The following PARD3B variants were observed in gnomAD, a reference collection of about 807,000 sequenced individuals.
The protein encoded by PARD3B is par-3 family cell polarity regulator beta.
In PARD3B, 103 loss-of-function variants were observed where a neutral mutation model predicts 130.2. That is an observed-to-expected ratio of 0.79 (90% CI 0.67 to 0.93). The LOEUF is 0.93. Ranked by LOEUF, PARD3B falls within the 40% of genes least tolerant of loss-of-function variation. PARD3B has a pLI of 0.00. For synonymous variants in PARD3B, 583 were observed against 553.2 expected (o/e 1.05, Z -0.76); for missense variants, 1,609 against 1,499.2 (o/e 1.07, Z -1.21).
chr2:204,990,612 T>A (rs1046466566), intron 3 of PARD3B, among the ~76,000 whole-genome samples: 7 of 152,072 alleles, frequency 4.6e-5, no homozygotes, highest in African/African-American at 1.7e-4. Context: ...CACTAATAAT[T>A]TGTAGATTGT....
chr2:205,067,912 G>A (rs1700490069), intron 4 of PARD3B, among the ~76,000 whole-genome samples: 1 of 152,080 alleles, frequency 6.6e-6, no homozygotes, highest in African/African-American at 2.4e-5. Context: ...AATTCAGTTT[G>A]TAAATATTTC....
rs534303503 is a variant in PARD3B at position 204,979,721 on chromosome 2, C to T, written c.394+14398C>T. On this transcript the variant is annotated intron_variant, in intron 3 of 22. Transcript: ENST00000406610. Reference sequence around the variant, plus strand: ...AGTAGAATAGAAATTATAGCAATAGCCCCTCACAGATATAATCATTTGGCT... The same window carrying T: ...AGTAGAATAGAAATTATAGCAATAGTCCCTCACAGATATAATCATTTGGCT... Among the ~76,000 whole-genome samples the T allele has an allele frequency of 2.6e-5, 4 of 152,198 alleles. No homozygotes were observed. The South Asian group carries it at 8.3e-4, about 32-fold the overall frequency.
rs1382669315 is a variant in PARD3B at position 205,125,315 on chromosome 2, T to C, written c.1306-294T>C. Among the ~76,000 whole-genome samples, 1 of 152,194 alleles carries C rather than the reference T, an allele frequency of 6.6e-6. No individual in the cohort carries two copies. Among genetic ancestry groups the C allele is most frequent in the Non-Finnish European group, 1.5e-5 (1 of 68,026 alleles). On this transcript the variant is annotated intron_variant, in intron 9 of 22. Coordinates refer to ENST00000406610, the MANE Select transcript of PARD3B (RefSeq NM_001302769.2). This position sits in a 1 kb window ranked among gnomAD's most constrained non-coding sequence, Gnocchi z 4.0. ...GCTAAGTAAGCCTTTGCAATCTGCT[T>C]TCTACCTTAAGCGGAATCATTTTCT...
Position 205,127,497 on chromosome 2 carries a change from T to C in PARD3B, c.1434+1760T>C, listed in dbSNP as rs550587287. Among the ~76,000 whole-genome samples the C allele has an allele frequency of 2.6e-5, 4 of 152,308 alleles. No homozygotes were observed. In the East Asian group the frequency reaches 5.8e-4, roughly 22 times the overall value. Reference sequence around the variant, plus strand: ...AGTAAGGATTAGTTGACAGAACTGATGATGTTTCACTTGAAGAAGAGAAAT... The same window carrying C: ...AGTAAGGATTAGTTGACAGAACTGACGATGTTTCACTTGAAGAAGAGAAAT... On this transcript the variant is annotated intron_variant, in intron 10 of 22. Coordinates refer to ENST00000406610, the MANE Select transcript of PARD3B (RefSeq NM_001302769.2).
At chr2:205,273,967 G>A (rs1313082271) in intron 16 of PARD3B, among the ~76,000 whole-genome samples, 1 of 152,110 alleles carries the variant, frequency 6.6e-6, no homozygotes, top group African/African-American at 2.4e-5. Flanking sequence ...CAGTCCCCCA[G>A]GGGTTGCAGA....
intron 3 of PARD3B, among the ~76,000 whole-genome samples, chr2:205,031,379 G>A (rs1697410949): frequency 6.6e-6 from 1 of 152,102 alleles, no homozygotes; most frequent in Non-Finnish European, 1.5e-5. Flanking sequence ...TTCTATGTAG[G>A]CCTTTTTTGA....
At chr2:205,394,892 T>G (rs1271976288) in intron 18 of PARD3B, among the ~76,000 whole-genome samples, 1 of 152,160 alleles carries the variant, frequency 6.6e-6, no homozygotes, top group Non-Finnish European at 1.5e-5. Context: ...AGTTTCCATT[T>G]GAGATCATGA....
intron 20 of PARD3B, among the ~76,000 whole-genome samples, chr2:205,442,291 T>A (rs980313315): frequency 3.5e-5 from 3 of 84,730 alleles, no homozygotes; most frequent in African/African-American, 1.9e-4. Context: ...CAGGTTTTCC[T>A]TTTTTTTTTT....
At chr2:205,438,551 G>T (rs1393319981) in intron 19 of PARD3B, among the ~76,000 whole-genome samples, 1 of 152,108 alleles carries the variant, frequency 6.6e-6, no homozygotes, top group Non-Finnish European at 1.5e-5. Context: ...CTATCATCAG[G>T]GTGCAGCAAG....
chr2:205,217,742 G>A (rs1310196408), intron 15 of PARD3B, among the ~76,000 whole-genome samples: 1 of 148,572 alleles, frequency 6.7e-6, no homozygotes, highest in Non-Finnish European at 1.5e-5. Context: ...ACACATATAT[G>A]TATGTGTGTA....
chr2:205,099,945 G>A (rs575233967), intron 4 of PARD3B, among the ~76,000 whole-genome samples: 3 of 152,198 alleles, frequency 2.0e-5, no homozygotes, highest in Admixed American at 6.5e-5. Flanking sequence ...AAAGTCTGTA[G>A]TCATTGACAT....
chr2:205,480,513 T>A (rs1252055670), intron 20 of PARD3B, among the ~76,000 whole-genome samples: 1 of 152,166 alleles, frequency 6.6e-6, no homozygotes, highest in Non-Finnish European at 1.5e-5. Context: ...GTAAGGCCCA[T>A]GTGGTTAAGG....
In PARD3B at chr2:205,116,127, A is replaced by G. The variant is rs1056625688; in HGVS notation, c.680+2550A>G. On this transcript the variant is annotated intron_variant, in intron 6 of 22. Transcript: ENST00000406610. This position sits in a 1 kb window ranked among gnomAD's most constrained non-coding sequence, Gnocchi z 4.5. Reference sequence around the variant, plus strand: ...TGAGGGCCATTGGCTTTCCCAGTAAAAACAAAGCAAACATAAAAAAAACAC... The same window carrying G: ...TGAGGGCCATTGGCTTTCCCAGTAAGAACAAAGCAAACATAAAAAAAACAC... 2.0e-4 allele frequency among the ~76,000 whole-genome samples: 31 copies of G among 152,234 alleles called. No individual in the cohort carries two copies. The highest frequency in any genetic ancestry group is 1.4e-3 in the Admixed American group (22 of 15,272).
chr2:204,983,196 G>T (rs1167802966), intron 3 of PARD3B, among the ~76,000 whole-genome samples: 1 of 152,058 alleles, frequency 6.6e-6, no homozygotes, highest in Non-Finnish European at 1.5e-5. Flanking sequence ...TGGTAATTGG[G>T]CCTGATAATT....
intron 3 of PARD3B, among the ~76,000 whole-genome samples, chr2:205,031,270 G>C (rs893442932): frequency 6.6e-6 from 1 of 152,012 alleles, no homozygotes; most frequent in Non-Finnish European, 1.5e-5. Context: ...CAATCTAGAT[G>C]GATAGCATAG....
At chr2:204,597,734 T>C (rs1431159368) in intron 1 of PARD3B, among the ~76,000 whole-genome samples, 1 of 152,160 alleles carries the variant, frequency 6.6e-6, no homozygotes, top group African/African-American at 2.4e-5. Context: ...GGTAATTGAA[T>C]GAATGAGTGA....
At chr2:204,736,182 G>A (rs951240842) in intron 2 of PARD3B, among the ~76,000 whole-genome samples, 1 of 150,892 alleles carries the variant, frequency 6.6e-6, no homozygotes, top group Admixed American at 6.6e-5. Context: ...TTTTTGGTCA[G>A]AAACTAAAGA....
At chr2:205,428,244 A>G (rs969393944) in intron 19 of PARD3B, among the ~76,000 whole-genome samples, 1 of 152,134 alleles carries the variant, frequency 6.6e-6, no homozygotes, top group Non-Finnish European at 1.5e-5. Flanking sequence ...AATTAGCCAG[A>G]TGGTGTGCAC....
chr2:205,025,793 C>T (rs7593901), intron 3 of PARD3B, among the ~76,000 whole-genome samples: 9,815 of 152,114 alleles, frequency 0.065, 342 homozygotes, highest in Middle Eastern at 0.19. Context: ...CCCCAACCAC[C>T]GAACACGATG....
Sources: allele counts gnomAD v4.1 joint callset (sites outside exome capture counted in the v4.1 genomes callset), GRCh38; gene constraint gnomAD v4.1.1; non-coding constraint Gnocchi (gnomAD v3.1); transcripts MANE v1.5; gene names NCBI Gene and HGNC (gene_info 2026-07-23, HGNC 2026-07-21).